Variants in DNAH3 observed in about 807,000 individuals in gnomAD.
DNAH3 encodes the protein dynein axonemal heavy chain 3.
A neutral mutation model predicts 432.5 loss-of-function variants in DNAH3; 332 were observed. The ratio of observed to expected loss-of-function variants is 0.77; its 90% confidence interval spans 0.70 to 0.84. The LOEUF (loss-of-function observed/expected upper bound fraction) is 0.84. Ranked by LOEUF, DNAH3 falls within the 40% of genes least tolerant of loss-of-function variation. DNAH3 has a pLI of 0.00. For missense variants in DNAH3, 4,861 were observed against 5,114.0 expected, an observed-to-expected ratio of 0.95 and a Z score of 1.51; for synonymous variants, 1,956 against 1,900.2, an observed-to-expected ratio of 1.03 and a Z score of -0.76.
intron 19 of DNAH3, among the ~76,000 whole-genome samples, chr16:21,086,449 A>G (rs13339094): frequency 0.41 from 62,141 of 152,000 alleles, 13,504 homozygotes; most frequent in East Asian, 0.6. Flanking sequence ...CCCCAGGGAG[A>G]GATGTGACTT....
chr16:21,026,233 A>G (rs779813956), intron 38 of DNAH3, among the ~76,000 whole-genome samples: 8 of 152,332 alleles, frequency 5.3e-5, no homozygotes, highest in Non-Finnish European at 1.0e-4. Flanking sequence ...TTTCCAAAGT[A>G]CTTGCTGGGT....
chr16:21,028,506 CAA>C lies in DNAH3; in HGVS notation c.5440-1381_5440-1380del, dbSNP rs796929596. 5.9e-3 allele frequency among the ~76,000 whole-genome samples: 474 copies of C among 80,074 alleles called. 2 individuals carry two copies. Among genetic ancestry groups the C allele is most frequent in the African/African-American group, 0.017 (434 of 25,662 alleles). 52.5% of individuals were successfully genotyped at this position (80,074 alleles called of 152,430 possible). On this transcript the variant is annotated intron_variant, in intron 37 of 61. Coordinates refer to ENST00000261383, the Ensembl canonical transcript of DNAH3. ...TGAAACCCAATTTCTACTAAAAGTA[CAA>C]AAAAAAAAAAAAAATAGCCGGGCAT...
intron 46 of DNAH3, 117 bp downstream of exon 46, chr16:20,987,576 C>T (rs2086259669): frequency 1.3e-6 from 2 of 1,525,974 alleles, no homozygotes; most frequent in Admixed American, 3.7e-5. Flanking sequence ...ATGCTTAGCA[C>T]AATGCCTAGC....
At chr16:21,081,491 G>A in intron 20 of DNAH3, 145 bp downstream of exon 20, 1 of 563,310 alleles carries the variant, frequency 1.8e-6, no homozygotes, top group Non-Finnish European at 3.1e-6. Flanking sequence ...CGAGTTGGTA[G>A]CTGCAGGTAA....
In DNAH3 at chr16:21,135,219, T is replaced by C. The variant is rs150573217; in HGVS notation, c.887-765A>G. 2.6e-4 allele frequency among the ~76,000 whole-genome samples: 39 copies of C among 152,326 alleles called. No individual in the cohort carries two copies. In the East Asian group the frequency reaches 6.2e-3, roughly 24 times the overall value. On this transcript the variant is annotated intron_variant, in intron 6 of 61. Transcript: ENST00000261383. Reference sequence around the variant, plus strand: ...AGGACAATGAAATAGGATTTGCTGATAACTCATTAGTCACTGATTGATTTC... The same window carrying C: ...AGGACAATGAAATAGGATTTGCTGACAACTCATTAGTCACTGATTGATTTC...
rs1180877140 is a variant in DNAH3, at chr16:21,106,481, T to C, written c.2284+9A>G. The C allele has an allele frequency of 6.3e-7, 1 of 1,578,248 alleles. No homozygotes were observed. Among genetic ancestry groups the C allele is most frequent in the Admixed American group, 1.7e-5 (1 of 59,352 alleles). On this transcript the variant is annotated intron_variant, in intron 15 of 61. Transcript: ENST00000261383. ...GCATTTCGATGGTCACACATGGCAT[T>C]GGACTTACACGGCAAGTCTGCATAG...
intron 58 of DNAH3, among the ~76,000 whole-genome samples, chr16:20,941,750 G>A (rs766549150): frequency 6.6e-6 from 1 of 152,128 alleles, no homozygotes; most frequent in Non-Finnish European, 1.5e-5. Context: ...TCGCCTCTTG[G>A]TCCAGAAGAG....
intron 9 of DNAH3, among the ~76,000 whole-genome samples, chr16:21,124,539 A>C (rs1042100174): frequency 2.0e-5 from 3 of 152,204 alleles, no homozygotes; most frequent in Admixed American, 6.5e-5. Context: ...ACCTCTCTTT[A>C]AAAATTAAAA....
intron 1 of DNAH3, among the ~76,000 whole-genome samples, chr16:21,149,750 G>A (rs533184225): frequency 6.6e-6 from 1 of 152,308 alleles, no homozygotes; most frequent in East Asian, 1.9e-4. Flanking sequence ...GAAGGAAAGG[G>A]AAGAACGGGT....
At chr16:20,972,739 ATTTTTTT>A (rs34245316) in intron 51 of DNAH3, among the ~76,000 whole-genome samples, 14,311 of 96,150 alleles carry the variant, frequency 0.15, 1,014 homozygotes, top group Middle Eastern at 0.22. Context: ...ATGCCCCGTG[ATTTTTTT>A]TTTTTTTTTT....
chr16:20,964,836 A>T lies in DNAH3; in HGVS notation c.9048T>A (p.Tyr3016Ter). 1 of 1,614,106 alleles carries T rather than the reference A, an allele frequency of 6.2e-7. No individual in the cohort carries two copies. The highest frequency in any genetic ancestry group is 8.5e-7 in the Non-Finnish European group (1 of 1,180,030). ...ACCACTGATTTTGGCACTGGACCCG[A>T]TAATCCACTGTAAAAGCGCCCAGGT... Residue 3016 changes from tyrosine (Y) to a stop codon, truncating the protein, a stop_gained, in exon 53 of 62, where the codon TAT becomes TAA. Transcript: ENST00000261383. LOFTEE classifies it high-confidence loss of function.
At chr16:21,068,262 G>A (rs858181) in intron 23 of DNAH3, among the ~76,000 whole-genome samples, 44 of 147,502 alleles carry the variant, frequency 3.0e-4, no homozygotes, top group Non-Finnish European at 4.2e-4. Flanking sequence ...TCCTTGACAC[G>A]CTGAGACAAC....
At chr16:20,985,603 G>A in exon 48 of DNAH3, 1 of 1,614,224 alleles carries the variant, frequency 6.2e-7, no homozygotes, top group Non-Finnish European at 8.5e-7. Context: ...TTTCAGGTCA[G>A]TGATCTCATC....
chr16:21,136,054 G>A (rs751786062), intron 6 of DNAH3, among the ~76,000 whole-genome samples: 2 of 152,012 alleles, frequency 1.3e-5, no homozygotes, highest in African/African-American at 2.4e-5. Flanking sequence ...TTGAATTAGC[G>A]GTTAAATGAT....
At chr16:21,154,699 C>T (rs536522433) in intron 1 of DNAH3, among the ~76,000 whole-genome samples, 1 of 152,180 alleles carries the variant, frequency 6.6e-6, no homozygotes, top group Non-Finnish European at 1.5e-5. Flanking sequence ...ACTAACCTGC[C>T]CATAGTCACA....
At chr16:20,941,476 A>T in exon 59 of DNAH3, 1 of 1,614,064 alleles carries the variant, frequency 6.2e-7, no homozygotes. Flanking sequence ...CAACTTCATG[A>T]CCTCTTCCAG....
intron 1 of DNAH3, among the ~76,000 whole-genome samples, chr16:21,156,953 C>T (rs1177649741): frequency 6.7e-6 from 1 of 150,358 alleles, no homozygotes; most frequent in African/African-American, 2.5e-5. Flanking sequence ...TCCAAAGCAA[C>T]TTCCATTTAG....
intron 21 of DNAH3, among the ~76,000 whole-genome samples, chr16:21,072,382 A>G (rs1477690374): frequency 1.3e-5 from 2 of 152,158 alleles, no homozygotes; most frequent in Non-Finnish European, 2.9e-5. Flanking sequence ...GCTGGAGTGC[A>G]GTGGCATGAT....
At chr16:21,033,927 G>C in intron 36 of DNAH3, 47 bp downstream of exon 36, 1 of 1,376,094 alleles carries the variant, frequency 7.3e-7, no homozygotes, top group Non-Finnish European at 1.0e-6. Context: ...CCAGCCAACT[G>C]AGCGAGGAGT....
Sources: gnomAD v4.1 joint callset for allele counts (sites outside exome capture counted in the v4.1 genomes callset) on GRCh38, gnomAD v4.1.1 for gene constraint, MANE v1.5 for transcripts, NCBI Gene and HGNC (gene_info 2026-07-23, HGNC 2026-07-21) for gene names.